RGS6: variants seen among roughly 807,000 people sequenced by gnomAD.
RGS6 encodes regulator of G protein signaling 6.
Under a neutral mutation model 78.5 loss-of-function variants are expected in RGS6, and 30 were observed. The ratio of observed to expected loss-of-function variants is 0.38; its 90% CI spans 0.29 to 0.52. The LOEUF is 0.52. Among genes scored for constraint, RGS6 ranks in the 20% least tolerant of loss-of-function variants. The pLI is 0.85. For missense variants in RGS6, 495 were observed against 609.7 expected (o/e 0.81, Z 1.98); for synonymous variants, 206 against 206.0 (o/e 1.00, Z 0.00).
intron 2 of RGS6, among the ~76,000 whole-genome samples, chr14:72,050,376 A>T (rs925276050): frequency 6.6e-6 from 1 of 150,944 alleles, no homozygotes; most frequent in African/African-American, 2.5e-5. Context: ...TGGAAGATAA[A>T]TTATATTTGC....
rs970933107 is a variant in RGS6, at chr14:72,431,494, A to G, written c.185-23034A>G. On this transcript the variant is annotated intron_variant, in intron 3 of 17. Transcript: ENST00000553525. ...CAGCCTCCCAAGTAGCTGGGATTACATGCATGCACCACCACACTTTATTTT... is the reference window on the plus strand; with the variant it reads ...CAGCCTCCCAAGTAGCTGGGATTACGTGCATGCACCACCACACTTTATTTT... Among the ~76,000 whole-genome samples the G allele has an allele frequency of 2.0e-5, 3 of 151,676 alleles. No individual in the cohort carries two copies. The South Asian group carries it at 6.2e-4, about 32-fold the overall frequency.
chr14:72,375,441 G>A (rs959298932), intron 3 of RGS6, among the ~76,000 whole-genome samples: 1 of 152,132 alleles, frequency 6.6e-6, no homozygotes, highest in African/African-American at 2.4e-5. Flanking sequence ...CAGCACCATG[G>A]GCCACCCCTG....
intron 2 of RGS6, among the ~76,000 whole-genome samples, chr14:72,139,880 G>A (rs763155234): frequency 2.0e-5 from 3 of 151,798 alleles, no homozygotes; most frequent in Non-Finnish European, 4.4e-5. Flanking sequence ...ACACTTGCAT[G>A]TTTAAATAAC....
At chr14:72,497,567 T>G (rs2096661717) in intron 13 of RGS6, among the ~76,000 whole-genome samples, 1 of 152,194 alleles carries the variant, frequency 6.6e-6, no homozygotes, top group Admixed American at 6.5e-5. Flanking sequence ...TTTTAAATGT[T>G]TTAATTAAAA....
intron 2 of RGS6, among the ~76,000 whole-genome samples, chr14:72,189,550 A>G (rs1356876601): frequency 6.6e-6 from 1 of 152,208 alleles, no homozygotes; most frequent in Non-Finnish European, 1.5e-5. Context: ...CCAGACACTC[A>G]TTGAAATAAG....
intron 2 of RGS6, among the ~76,000 whole-genome samples, chr14:72,162,444 G>C (rs1049482436): frequency 2.0e-5 from 3 of 152,052 alleles, no homozygotes; most frequent in African/African-American, 4.8e-5. Flanking sequence ...AAAGAAGTAG[G>C]GTGAGCTCTG....
At chr14:72,513,025 G>A (rs112102161) in intron 14 of RGS6, among the ~76,000 whole-genome samples, 40 of 152,314 alleles carry the variant, frequency 2.6e-4, no homozygotes, top group Middle Eastern at 6.8e-3. Flanking sequence ...TGCTGGAGTC[G>A]TCCCTTCTCC....
Position 72,180,528 on chromosome 14 carries a change from C to G in RGS6, c.85-171567C>G, listed in dbSNP as rs11625997. Among the ~76,000 whole-genome samples the G allele has an allele frequency of 1.6e-3, 237 of 152,336 alleles. 1 individual carries two copies. Among genetic ancestry groups the G allele is most frequent in the Middle Eastern group, 6.8e-3 (2 of 294 alleles). On this transcript the variant is annotated intron_variant, in intron 2 of 17. Transcript: ENST00000553525. ...GGTTATCATAGACTCAATTGGCTATCATGGGAAATTCTGTCTCAGTGATGC... is the reference window on the plus strand; with the variant it reads ...GGTTATCATAGACTCAATTGGCTATGATGGGAAATTCTGTCTCAGTGATGC...
At chr14:72,167,159 A>G (rs1344922051) in intron 2 of RGS6, among the ~76,000 whole-genome samples, 1 of 152,132 alleles carries the variant, frequency 6.6e-6, no homozygotes, top group Non-Finnish European at 1.5e-5. Flanking sequence ...AAGGATCCAC[A>G]TTTGAGCTTG....
intron 2 of RGS6, among the ~76,000 whole-genome samples, chr14:72,187,761 A>G (rs1287258896): frequency 6.6e-6 from 1 of 152,188 alleles, no homozygotes; most frequent in African/African-American, 2.4e-5. Context: ...GGGAAATCAT[A>G]AAACAGTCAA....
chr14:71,966,973 C>T (rs897708379), intron 2 of RGS6, among the ~76,000 whole-genome samples: 5 of 151,672 alleles, frequency 3.3e-5, no homozygotes, highest in African/African-American at 1.2e-4. Flanking sequence ...TCATGTAACC[C>T]AACCACCTTT....
chr14:71,941,245 G>A lies in RGS6; in HGVS notation c.-21+8304G>A, dbSNP rs138054714. On this transcript the variant is annotated intron_variant, in intron 1 of 17. Transcript: ENST00000553525. Reference sequence around the variant, plus strand: ...CTCTCATGAGCGGTGAATTAGGAGTGTCAAAGGCATTTATTTTGCATAACT... The same window carrying A: ...CTCTCATGAGCGGTGAATTAGGAGTATCAAAGGCATTTATTTTGCATAACT... Among the ~76,000 whole-genome samples, 10 of 152,276 alleles carry A rather than the reference G, an allele frequency of 6.6e-5. No individual in the cohort carries two copies. In the East Asian group the frequency reaches 1.7e-3, roughly 26 times the overall value.
chr14:72,323,564 A>G (rs1006363745), intron 2 of RGS6, among the ~76,000 whole-genome samples: 10 of 151,992 alleles, frequency 6.6e-5, no homozygotes, highest in African/African-American at 2.4e-4. Flanking sequence ...AAATATTAAA[A>G]TGTATTGTAG....
At chr14:72,087,372 C>A (rs1431291887) in intron 2 of RGS6, among the ~76,000 whole-genome samples, 1 of 152,178 alleles carries the variant, frequency 6.6e-6, no homozygotes, top group South Asian at 2.1e-4. Context: ...CTCAAGTGAT[C>A]TGCCCGCCTT....
chr14:72,381,071 G>A (rs1262918939), intron 3 of RGS6, among the ~76,000 whole-genome samples: 1 of 152,036 alleles, frequency 6.6e-6, no homozygotes, highest in East Asian at 1.9e-4. Flanking sequence ...AGTGAAATAA[G>A]GCAGATACCA....
chr14:72,296,573 A>T lies in RGS6; in HGVS notation c.85-55522A>T, dbSNP rs182647843. Among the ~76,000 whole-genome samples the T allele has an allele frequency of 4.2e-3, 643 of 152,274 alleles. 4 individuals carry two copies. The highest frequency in any genetic ancestry group is 6.8e-3 in the Middle Eastern group (2 of 294). ...TTTTAATTTGCATTTCTCTGTAATA[A>T]TGTTGATTGCCTTTTCTAAGTGCTT... is the stretch of plus-strand genomic sequence containing the variant. On this transcript the variant is annotated intron_variant, in intron 2 of 17. Transcript: ENST00000553525.
chr14:72,178,560 G>A (rs1234651146), intron 2 of RGS6, among the ~76,000 whole-genome samples: 1 of 152,184 alleles, frequency 6.6e-6, no homozygotes, highest in Non-Finnish European at 1.5e-5. Context: ...ATGAAGTCAG[G>A]GCCAGGTCAG....
chr14:72,026,606 G>T (rs1018654256), intron 2 of RGS6, among the ~76,000 whole-genome samples: 1 of 152,162 alleles, frequency 6.6e-6, no homozygotes, highest in Non-Finnish European at 1.5e-5. Context: ...TACAGCCTCA[G>T]CTGAGCACCC....
chr14:72,246,783 G>T (rs769161657), intron 2 of RGS6, among the ~76,000 whole-genome samples: 58 of 152,026 alleles, frequency 3.8e-4, no homozygotes, highest in Non-Finnish European at 2.4e-4. Flanking sequence ...GGTGGCGTCT[G>T]TAGTCCCAGC....
Sources: allele counts gnomAD v4.1 joint callset (sites outside exome capture counted in the v4.1 genomes callset), GRCh38; gene constraint gnomAD v4.1.1; transcripts MANE v1.5; gene names NCBI Gene and HGNC (gene_info 2026-07-23, HGNC 2026-07-21).